Variants in WWOX observed in about 807,000 individuals in gnomAD.
WWOX encodes WW domain containing oxidoreductase, also known as WW domain-containing oxidoreductase.
Under a neutral mutation model 46.2 loss-of-function variants are expected in WWOX, and 69 were observed. That is an observed-to-expected ratio of 1.49 (90% CI 1.23 to 1.82). WWOX has a LOEUF of 1.82. Among genes scored for constraint, WWOX ranks in the 40% most tolerant of loss-of-function variants. WWOX has a pLI of 0.00. For missense variants in WWOX, 919 were observed against 542.6 expected (o/e 1.69, Z -6.89); for synonymous variants, 359 against 202.6 (o/e 1.77, Z -6.56).
intron 8 of WWOX, among the ~76,000 whole-genome samples, chr16:78,739,950 G>T (rs2049176579): frequency 6.6e-6 from 1 of 152,164 alleles, no homozygotes; most frequent in African/African-American, 2.4e-5. Flanking sequence ...ATTGAACTCA[G>T]TCAACTTACT....
At chr16:78,722,358 G>A (rs1208717291) in intron 8 of WWOX, among the ~76,000 whole-genome samples, 2 of 152,140 alleles carry the variant, frequency 1.3e-5, no homozygotes, top group East Asian at 1.9e-4. Flanking sequence ...AATGGAGATC[G>A]CAGTATCTAA....
chr16:79,031,762 A>G (rs2047759702), intron 8 of WWOX, among the ~76,000 whole-genome samples: 1 of 144,410 alleles, frequency 6.9e-6, no homozygotes. Context: ...TTCTATATAT[A>G]TATATAATAT....
chr16:79,150,659 A>T (rs1018603029), intron 8 of WWOX, among the ~76,000 whole-genome samples: 2 of 152,288 alleles, frequency 1.3e-5, no homozygotes, highest in South Asian at 4.2e-4. Flanking sequence ...ATATTAAATC[A>T]TCCCTTTTTC....
At chr16:79,210,848 G>C (rs1288793011) in intron 8 of WWOX, among the ~76,000 whole-genome samples, 1 of 152,166 alleles carries the variant, frequency 6.6e-6, no homozygotes. Context: ...CTCAAAAGGT[G>C]AATGAAAGTG....
chr16:78,790,432 G>A (rs866420569), intron 8 of WWOX, among the ~76,000 whole-genome samples: 37 of 152,148 alleles, frequency 2.4e-4, no homozygotes, highest in Admixed American at 4.6e-4. Flanking sequence ...ACCGTGCCCA[G>A]CTCAGCATTA....
chr16:78,893,336 C>G (rs1364536185), intron 8 of WWOX, among the ~76,000 whole-genome samples: 1 of 152,162 alleles, frequency 6.6e-6, no homozygotes, highest in Admixed American at 6.5e-5. Flanking sequence ...TTTCGCCTGT[C>G]CCCTCTCACA....
chr16:79,200,622 C>T (rs542942770), intron 8 of WWOX, among the ~76,000 whole-genome samples: 2 of 152,282 alleles, frequency 1.3e-5, no homozygotes, highest in South Asian at 2.1e-4. Context: ...GCAGTCATCA[C>T]CACCGTCGTC....
At chr16:78,996,144 T>C (rs1192313797) in intron 8 of WWOX, 1 of 929,782 alleles carries the variant, frequency 1.1e-6, no homozygotes, top group Non-Finnish European at 1.3e-6. Flanking sequence ...GAATGTTCTT[T>C]TTTTTAATTT....
intron 5 of WWOX, among the ~76,000 whole-genome samples, chr16:78,261,314 TA>T (rs1326475721): frequency 2.2e-5 from 3 of 139,496 alleles, no homozygotes; most frequent in Admixed American, 7.3e-5. Flanking sequence ...TACATACATA[TA>T]AAATTAGGTA....
intron 8 of WWOX, among the ~76,000 whole-genome samples, chr16:79,075,746 T>C (rs779477194): frequency 1.3e-5 from 2 of 152,086 alleles, no homozygotes; most frequent in Non-Finnish European, 2.9e-5. Flanking sequence ...AGAGATGGGG[T>C]CTCATCTGGT....
intron 8 of WWOX, among the ~76,000 whole-genome samples, chr16:79,200,119 C>G (rs973678424): frequency 1.3e-5 from 2 of 152,190 alleles, no homozygotes; most frequent in Admixed American, 1.3e-4. Context: ...GAAGAGAACA[C>G]TGCAGGGGAG....
chr16:78,800,254 A>G (rs535581297), intron 8 of WWOX, among the ~76,000 whole-genome samples: 1 of 152,262 alleles, frequency 6.6e-6, no homozygotes, highest in Admixed American at 6.5e-5. Context: ...TGGCAAAAAA[A>G]AAAAGTCGAG....
intron 8 of WWOX, among the ~76,000 whole-genome samples, chr16:78,661,337 G>T (rs1199856245): frequency 6.6e-6 from 1 of 152,144 alleles, no homozygotes. Flanking sequence ...TGTTGCTATT[G>T]TATCGTAAGG....
At chr16:79,211,375 G>A (rs1019200208) in intron 8 of WWOX, among the ~76,000 whole-genome samples, 4 of 152,312 alleles carry the variant, frequency 2.6e-5, no homozygotes, top group African/African-American at 7.2e-5. Context: ...TGTATGAGGT[G>A]TCAAAAGTTA....
At chr16:78,844,009 G>A (rs568665800) in intron 8 of WWOX, among the ~76,000 whole-genome samples, 54 of 152,280 alleles carry the variant, frequency 3.5e-4, no homozygotes, top group African/African-American at 1.1e-3. Context: ...CATGCTCTGA[G>A]AATAGCCAGG....
At chr16:78,659,073 T>C (rs1478757986) in intron 8 of WWOX, among the ~76,000 whole-genome samples, 2 of 147,604 alleles carry the variant, frequency 1.4e-5, no homozygotes, top group Admixed American at 1.4e-4. Context: ...GCCTGGGCAA[T>C]AGAGTGAGAA....
At chr16:78,631,631 C>A (rs77776794) in intron 8 of WWOX, among the ~76,000 whole-genome samples, 1 of 151,592 alleles carries the variant, frequency 6.6e-6, no homozygotes, top group Admixed American at 6.6e-5. Context: ...TTCCTCCTCC[C>A]AGGCTCAAGA....
intron 8 of WWOX, among the ~76,000 whole-genome samples, chr16:78,636,239 C>T (rs1157817503): frequency 6.6e-6 from 1 of 152,240 alleles, no homozygotes; most frequent in Middle Eastern, 3.4e-3. Context: ...GTCCCAAATG[C>T]AAGGGGAGGG....
At chr16:79,155,033 T>A (rs1366941001) in intron 8 of WWOX, among the ~76,000 whole-genome samples, 1 of 152,220 alleles carries the variant, frequency 6.6e-6, no homozygotes, top group East Asian at 1.9e-4. Flanking sequence ...TCACCCAGAC[T>A]TAGGGTTCTA....
Sources: gnomAD v4.1 joint callset for allele counts (sites outside exome capture counted in the v4.1 genomes callset) on GRCh38, gnomAD v4.1.1 for gene constraint, MANE v1.5 for transcripts, NCBI Gene and HGNC (gene_info 2026-07-23, HGNC 2026-07-21) for gene names.